UBAC2: variants seen among roughly 807,000 people sequenced by gnomAD.
UBAC2 encodes ubiquitin-associated domain-containing protein 2.
In UBAC2, 26 loss-of-function variants were observed where a neutral mutation model predicts 44.0. The ratio of observed to expected loss-of-function variants is 0.59; its 90% confidence interval spans 0.43 to 0.82. UBAC2 has a LOEUF of 0.82. Among genes scored for constraint, UBAC2 ranks in the 40% least tolerant of loss-of-function variants. The pLI is 0.00. For missense variants in UBAC2, 329 were observed against 419.4 expected, an observed-to-expected ratio of 0.78 and a Z score of 1.88; for synonymous variants, 155 against 154.3, an observed-to-expected ratio of 1.00 and a Z score of -0.04.
intron 8 of UBAC2, among the ~76,000 whole-genome samples, chr13:99,376,145 A>C (rs917338181): frequency 6.6e-6 from 1 of 152,182 alleles, no homozygotes; most frequent in African/African-American, 2.4e-5. Flanking sequence ...TGTTTTCCTC[A>C]TTCAGTGGGT....
chr13:99,349,713 A>T (rs959459543), intron 7 of UBAC2, among the ~76,000 whole-genome samples: 2 of 152,182 alleles, frequency 1.3e-5, no homozygotes, highest in Non-Finnish European at 1.5e-5. Flanking sequence ...GACTTTTACT[A>T]TTTCTTCTAC....
intron 4 of UBAC2, among the ~76,000 whole-genome samples, chr13:99,268,794 T>A (rs2043779662): frequency 6.6e-6 from 1 of 152,028 alleles, no homozygotes; most frequent in African/African-American, 2.4e-5. Context: ...TAGATGCCAT[T>A]TGTAGGATTA....
rs114278138 is a variant in UBAC2, at chr13:99,321,686, C to A, written c.561+3617C>A. On this transcript the variant is annotated intron_variant, in intron 6 of 8. Coordinates refer to ENST00000403766, the MANE Select transcript of UBAC2 (RefSeq NM_001144072.2). ...TTGAATATATAACTTTAAAATATTCCACTGATTAAAATAGAAGGTTGATAA... is the reference window on the plus strand; with the variant it reads ...TTGAATATATAACTTTAAAATATTCAACTGATTAAAATAGAAGGTTGATAA... Among the ~76,000 whole-genome samples, 1,018 of 152,234 alleles carry A rather than the reference C, an allele frequency of 6.7e-3. 16 individuals are homozygous for A. Among genetic ancestry groups the A allele is most frequent in the African/African-American group, 0.023 (973 of 41,530 alleles).
chr13:99,378,498 A>G (rs928188400), intron 8 of UBAC2, among the ~76,000 whole-genome samples: 12 of 152,154 alleles, frequency 7.9e-5, no homozygotes, highest in Admixed American at 2.0e-4. Flanking sequence ...CTGCACTCCA[A>G]CCTGGGTGAC....
At position 99,378,094 on chromosome 13, in the gene UBAC2, G is replaced by A. The variant is rs150561898; in HGVS notation, c.928-7134G>A. 8.2e-3 allele frequency among the ~76,000 whole-genome samples: 1,250 copies of A among 152,222 alleles called. 11 individuals carry two copies. The highest frequency in any genetic ancestry group is 0.056 in the South Asian group (271 of 4,824). On this transcript the variant is annotated intron_variant, in intron 8 of 8. Coordinates refer to ENST00000403766, the MANE Select transcript of UBAC2 (RefSeq NM_001144072.2). ...GCCCATCACATATTTTCTCTGTGTC[G>A]TCTGTAGACACTTTTTCTGCAGCGT...
Position 99,201,256 on chromosome 13 carries a change from C to CA in UBAC2, c.31+318dup, listed in dbSNP as rs553182090. 5,212 of 1,444,558 alleles carry CA rather than the reference C, an allele frequency of 3.6e-3. 10 individuals are homozygous for CA. The highest frequency in any genetic ancestry group is 4.5e-3 in the Non-Finnish European group (4,972 of 1,101,906). 89.5% of individuals were successfully genotyped at this position (1,444,558 alleles called of 1,614,324 possible). ...CCCTGGTGTTCTCGTGGGCCGGCCC[C>CA]AGGCCCTTTGCGGAGCGTGTGCCGC... On this transcript the variant is annotated intron_variant, in intron 1 of 8. Transcript: ENST00000403766.
Position 99,200,923 on chromosome 13 carries a change from C to A in UBAC2, c.15C>A (p.Thr5=), listed in dbSNP as rs1405868550. Residue 5 remains threonine (T), a synonymous_variant, in exon 1 of 9, where the codon ACC becomes ACA. Transcript: ENST00000403766. The part of the protein sequence containing the change: MFTS[T]GSSGLYKAPL... ...CCGGCGGGACCATGTTCACCAGCAC[C>A]GGCTCCAGTGGGCTCTGTGAGTACC... 4 of 1,306,604 alleles carry A rather than the reference C, an allele frequency of 3.1e-6. No homozygotes were observed. The highest frequency in any genetic ancestry group is 2.9e-5 in the East Asian group (1 of 34,940). The allele number at this position is 1,306,604 out of a possible 1,614,324, so 80.9% of individuals were successfully genotyped here. A position where few individuals can be genotyped will look rare whatever the true frequency, so the allele number is the denominator to read the frequency against.
rs556382803 is a variant in UBAC2 at position 99,277,456 on chromosome 13, C to T, written c.389+32832C>T. Among the ~76,000 whole-genome samples, 9 of 149,940 alleles carry T rather than the reference C, an allele frequency of 6.0e-5. No homozygotes were observed. In the East Asian group the frequency reaches 1.4e-3, roughly 23 times the overall value. On this transcript the variant is annotated intron_variant, in intron 4 of 8. Coordinates refer to ENST00000403766, the MANE Select transcript of UBAC2 (RefSeq NM_001144072.2). Reference sequence around the variant, plus strand: ...AGGAGAATCGCTTGAACCTGGGAGGCGGAGGTTACAGTGAGCCGAGATCAC... The same window carrying T: ...AGGAGAATCGCTTGAACCTGGGAGGTGGAGGTTACAGTGAGCCGAGATCAC...
chr13:99,351,402 A>C, intron 7 of UBAC2: 1 of 378,856 alleles, frequency 2.6e-6, no homozygotes, highest in South Asian at 2.0e-5. Context: ...TTAAATGGTT[A>C]TATAGGTAAC....
chr13:99,254,663 A>G (rs1305092425), intron 4 of UBAC2: 3 of 462,146 alleles, frequency 6.5e-6, no homozygotes, highest in African/African-American at 6.0e-5. Flanking sequence ...AAAGTTAATT[A>G]TCTGTGTGAA....
chr13:99,336,089 G>A (rs1335179293), intron 6 of UBAC2, among the ~76,000 whole-genome samples: 1 of 151,758 alleles, frequency 6.6e-6, no homozygotes, highest in African/African-American at 2.4e-5. Context: ...TTAGATTTCA[G>A]AGTCCTAAAA....
chr13:99,237,267 T>TACACACACACACAC (rs560517982), intron 1 of UBAC2, among the ~76,000 whole-genome samples: 101 of 118,746 alleles, frequency 8.5e-4, no homozygotes, highest in Middle Eastern at 3.9e-3. Context: ...TATATATATA[T>TACACACACACACAC]ATATACACAC....
Position 99,340,405 on chromosome 13 carries a change from G to C in UBAC2, c.647G>C (p.Trp216Ser). Reference sequence around the variant, plus strand: ...AGCTGGATGGCAAAATTCTTTTCTTGGACACTTGAACCCATCTTCTCTTCT... The same window carrying C: ...AGCTGGATGGCAAAATTCTTTTCTTCGACACTTGAACCCATCTTCTCTTCT... ...IPSWMAKFFSWTLEPIFSSSE... is the reference protein window; with the variant it reads ...IPSWMAKFFSSTLEPIFSSSE... The change falls in exon 7 of 9, where the codon TGG becomes TCG. Residue 216 changes from tryptophan (W) to serine (S), a missense_variant. By Grantham distance (177) the Trp-to-Ser change is radical. Transcript: ENST00000403766. The C allele has an allele frequency of 1.2e-6, 2 of 1,614,104 alleles. No homozygotes were observed. Among genetic ancestry groups the C allele is most frequent in the Non-Finnish European group, 1.7e-6 (2 of 1,180,026 alleles).
chr13:99,255,735 A>G (rs757618760), intron 4 of UBAC2: 2 of 1,614,110 alleles, frequency 1.2e-6, no homozygotes, highest in Non-Finnish European at 1.7e-6. Context: ...TACAACTGAA[A>G]ACCCATAATG....
chr13:99,239,898 C>T (rs1359859881), intron 2 of UBAC2, among the ~76,000 whole-genome samples: 1 of 152,056 alleles, frequency 6.6e-6, no homozygotes, highest in Non-Finnish European at 1.5e-5. Context: ...GAAATAGGGA[C>T]CAGTATTGGG....
intron 1 of UBAC2, among the ~76,000 whole-genome samples, chr13:99,204,707 A>G (rs893873446): frequency 6.6e-6 from 1 of 152,030 alleles, no homozygotes; most frequent in Admixed American, 6.5e-5. Context: ...CCCCCCCAGA[A>G]CCTTTCCAGA....
intron 1 of UBAC2, among the ~76,000 whole-genome samples, chr13:99,208,882 C>T (rs1007402710): frequency 3.3e-5 from 5 of 152,208 alleles, no homozygotes; most frequent in African/African-American, 1.2e-4. Flanking sequence ...CCTCCTTGAC[C>T]TGGGGGTTTG....
intron 1 of UBAC2, among the ~76,000 whole-genome samples, chr13:99,232,494 G>C (rs1311539027): frequency 1.3e-5 from 2 of 150,326 alleles, no homozygotes; most frequent in Non-Finnish European, 3.0e-5. Context: ...CGCCCAGTGG[G>C]CTTAATAAGT....
intron 4 of UBAC2, among the ~76,000 whole-genome samples, chr13:99,304,084 A>G (rs928030378): frequency 1.6e-4 from 24 of 152,312 alleles, no homozygotes; most frequent in African/African-American, 5.8e-4. Flanking sequence ...GCAAACCACA[A>G]GCTCTGTGTC....
Sources: allele counts gnomAD v4.1 joint callset (sites outside exome capture counted in the v4.1 genomes callset), GRCh38; gene constraint gnomAD v4.1.1; transcripts MANE v1.5; gene names NCBI Gene and HGNC (gene_info 2026-07-23, HGNC 2026-07-21).